The following ZNF536 variants were observed in gnomAD, a reference collection of about 807,000 sequenced individuals.
The protein encoded by ZNF536 is zinc finger protein 536.
Under a neutral mutation model 84.5 loss-of-function variants are expected in ZNF536, and 13 were observed. The ratio of observed to expected loss-of-function variants is 0.15; its 90% CI spans 0.10 to 0.24. The LOEUF is 0.24. ZNF536 is among the 10% of genes least tolerant of loss of function. The pLI, the probability that ZNF536 is intolerant of heterozygous loss-of-function variation, is 1.00. For synonymous variants in ZNF536, 811 were observed against 742.5 expected (o/e 1.09, Z -1.50); for missense variants, 1,536 against 1,747.5 (o/e 0.88, Z 2.16).
chr19:30,704,720 G>A (rs915121918), intron 1 of ZNF536, among the ~76,000 whole-genome samples: 1 of 151,216 alleles, frequency 6.6e-6, no homozygotes, highest in Non-Finnish European at 1.5e-5. Flanking sequence ...TGTCACCTCT[G>A]GGACTGCAGC....
At chr19:30,242,778 A>G (rs2144896093) in intron 1 of ZNF536, among the ~76,000 whole-genome samples, 1 of 152,328 alleles carries the variant, frequency 6.6e-6, no homozygotes, top group South Asian at 2.1e-4. Context: ...TTGAAAGTAC[A>G]TCTCATGCCT....
At chr19:30,307,928 C>T (rs1343266734) in intron 2 of ZNF536, among the ~76,000 whole-genome samples, 2 of 152,232 alleles carry the variant, frequency 1.3e-5, no homozygotes, top group African/African-American at 4.8e-5. Flanking sequence ...CTCCTCTAAC[C>T]TTCCTGGGTG....
chr19:30,233,347 T>G (rs374447813), intron 1 of ZNF536, among the ~76,000 whole-genome samples: 1 of 151,860 alleles, frequency 6.6e-6, no homozygotes, highest in African/African-American at 2.4e-5. Context: ...ACCTTTTTTT[T>G]TTTTTTTAAC....
At chr19:30,609,168 A>G (rs2048003101) in intron 1 of ZNF536, among the ~76,000 whole-genome samples, 1 of 152,226 alleles carries the variant, frequency 6.6e-6, no homozygotes, top group East Asian at 1.9e-4. Context: ...CTCAGCTTCT[A>G]GAGAGAATTA....
At chr19:30,615,520 A>G (rs1180536432) in intron 1 of ZNF536, among the ~76,000 whole-genome samples, 1 of 150,808 alleles carries the variant, frequency 6.6e-6, no homozygotes, top group African/African-American at 2.4e-5. Context: ...AACCATATCA[A>G]TGATTTTGCA....
At chr19:30,579,840 C>G (rs1055045953) in intron 1 of ZNF536, among the ~76,000 whole-genome samples, 11 of 152,206 alleles carry the variant, frequency 7.2e-5, no homozygotes, top group Admixed American at 4.6e-4. Flanking sequence ...TTATGTTTTT[C>G]TGGTATGCTC....
chr19:30,469,709 C>T (rs146552217), intron 2 of ZNF536, among the ~76,000 whole-genome samples: 137 of 152,284 alleles, frequency 9.0e-4, no homozygotes, highest in African/African-American at 1.8e-3. Context: ...CCTCTGGGGA[C>T]GCTCAGCCTG....
intron 1 of ZNF536, among the ~76,000 whole-genome samples, chr19:30,258,257 C>T (rs1363389255): frequency 6.6e-6 from 1 of 152,198 alleles, no homozygotes; most frequent in Non-Finnish European, 1.5e-5. Context: ...AAGCCACTTC[C>T]AATGACTCTG....
intron 1 of ZNF536, among the ~76,000 whole-genome samples, chr19:30,412,987 G>A (rs2050558644): frequency 6.6e-6 from 1 of 151,886 alleles, no homozygotes; most frequent in Non-Finnish European, 1.5e-5. Flanking sequence ...TTATTTTAGT[G>A]TAGATTTTCA....
At chr19:30,606,418 C>T (rs1227778219) in intron 1 of ZNF536, among the ~76,000 whole-genome samples, 2 of 152,108 alleles carry the variant, frequency 1.3e-5, no homozygotes, top group Non-Finnish European at 2.9e-5. Context: ...ACGGGCAACC[C>T]ATAACCTCTG....
intron 3 of ZNF536, among the ~76,000 whole-genome samples, chr19:30,547,563 C>T (rs2045603635): frequency 6.6e-6 from 1 of 152,202 alleles, no homozygotes; most frequent in Non-Finnish European, 1.5e-5. Flanking sequence ...CTATTGTATA[C>T]ACAAAATATT....
At chr19:30,661,222 CTCT>C (rs777633983) in intron 1 of ZNF536, among the ~76,000 whole-genome samples, 2 of 152,220 alleles carry the variant, frequency 1.3e-5, no homozygotes, top group African/African-American at 2.4e-5. Flanking sequence ...CTTCTCTAGA[CTCT>C]TCTTAGGCAA....
chr19:30,480,981 T>A (rs558748308), intron 2 of ZNF536, among the ~76,000 whole-genome samples: 5 of 151,324 alleles, frequency 3.3e-5, no homozygotes, highest in Admixed American at 2.6e-4. Flanking sequence ...GTGAGCCGAG[T>A]TCATGTCACT....
intron 1 of ZNF536, among the ~76,000 whole-genome samples, chr19:30,630,072 G>T (rs1265976542): frequency 6.6e-6 from 1 of 152,326 alleles, no homozygotes; most frequent in African/African-American, 2.4e-5. Context: ...GGAAGAGAGG[G>T]TCATTCTTTT....
chr19:30,605,967 T>A (rs57864849), intron 1 of ZNF536, among the ~76,000 whole-genome samples: 2,557 of 151,696 alleles, frequency 0.017, 93 homozygotes, highest in Admixed American at 0.089. Context: ...GAGTTAGAGG[T>A]GGGAGGCCAA....
At position 30,607,141 on chromosome 19, in the gene ZNF536, C is replaced by G. The variant is rs998968114; in HGVS notation, c.169+57627C>G. Reference sequence around the variant, plus strand: ...CCCTCACCTCCCTAAACCTCTTCGACGTAGATTTTTGTCAAACTTATTTAC... The same window carrying G: ...CCCTCACCTCCCTAAACCTCTTCGAGGTAGATTTTTGTCAAACTTATTTAC... On this transcript the variant is annotated intron_variant, in intron 1 of 1. Coordinates refer to the ZNF536 transcript ENST00000592773. Among the ~76,000 whole-genome samples, 9 of 152,288 alleles carry G rather than the reference C, an allele frequency of 5.9e-5. No individual in the cohort carries two copies. The South Asian group carries it at 1.7e-3, about 28-fold the overall frequency.
intron 1 of ZNF536, among the ~76,000 whole-genome samples, chr19:30,637,483 A>G (rs1855503044): frequency 6.6e-6 from 1 of 152,106 alleles, no homozygotes; most frequent in African/African-American, 2.4e-5. Flanking sequence ...TTCAAATTAT[A>G]CCCTTCTATA....
At chr19:30,371,040 A>G (rs1157608591), upstream of ZNF536, among the ~76,000 whole-genome samples, 6 of 152,228 alleles carry the variant, frequency 3.9e-5, no homozygotes, top group African/African-American at 1.4e-4. Flanking sequence ...AAATCTCATA[A>G]GTGATGTCAG....
Position 30,444,762 on chromosome 19 carries a change from G to T in ZNF536, c.1200G>T (p.Ser400=), listed in dbSNP as rs770658949. Residue 400 remains serine (S), a synonymous_variant, in exon 2 of 5, where the codon TCG becomes TCT. Coordinates refer to ENST00000355537, the MANE Select transcript of ZNF536 (RefSeq NM_014717.3). ...NHMKVHLNKL[S]VKNKSPSDPE... ...TGAAGGTCCACCTCAACAAGCTGTC[G>T]GTGAAGAACAAGTCCCCCAGCGACC... is the stretch of plus-strand genomic sequence containing the variant. The T allele has an allele frequency of 6.2e-7, 1 of 1,614,026 alleles. No homozygotes were observed. The highest frequency in any genetic ancestry group is 1.1e-5 in the South Asian group (1 of 91,088).
Sources: gnomAD v4.1 joint callset for allele counts (sites outside exome capture counted in the v4.1 genomes callset) on GRCh38, gnomAD v4.1.1 for gene constraint, MANE v1.5 for transcripts, NCBI Gene and HGNC (gene_info 2026-07-23, HGNC 2026-07-21) for gene names.